PGM2L1: variants seen among roughly 807,000 people sequenced by gnomAD.
The protein encoded by PGM2L1 is phosphoglucomutase 2 like 1.
Under a neutral mutation model 73.4 loss-of-function variants are expected in PGM2L1, and 35 were observed. The ratio of observed to expected loss-of-function variants is 0.48; its 90% CI spans 0.36 to 0.63. The LOEUF is 0.63. Ranked by LOEUF, PGM2L1 falls within the 30% of genes least tolerant of loss-of-function variation. The pLI is 0.00. For missense variants in PGM2L1, 570 were observed against 742.0 expected, an observed-to-expected ratio of 0.77 and a Z score of 2.69; for synonymous variants, 225 against 253.8, an observed-to-expected ratio of 0.89 and a Z score of 1.08.
In PGM2L1 at chr11:74,330,661, T is replaced by C. The variant is rs1420177951; in HGVS notation, c.*5991A>G. 2 of 152,598 alleles carry C rather than the reference T, an allele frequency of 1.3e-5. No individual in the cohort carries two copies. Among genetic ancestry groups the C allele is most frequent in the African/African-American group, 2.4e-5 (1 of 41,432 alleles). 9.5% of individuals were successfully genotyped at this position (152,598 alleles called of 1,614,324 possible). A position where few individuals can be genotyped will look rare whatever the true frequency, so the allele number is the denominator to read the frequency against. Reference sequence around the variant, plus strand: ...GCTTGAGTGGCTCTTGTAAGATACATGATGAATCATAACAGTGGACAAAAA... The same window carrying C: ...GCTTGAGTGGCTCTTGTAAGATACACGATGAATCATAACAGTGGACAAAAA... On this transcript the variant is annotated 3_prime_UTR_variant, in exon 14 of 14. Coordinates refer to ENST00000298198, the MANE Select transcript of PGM2L1 (RefSeq NM_173582.6).
At position 74,345,553 on chromosome 11, in the gene PGM2L1, A is replaced by T. The variant is rs1016784315; in HGVS notation, c.1134T>A (p.Asp378Glu). 1.2e-6 allele frequency: 2 copies of T among 1,613,406 alleles called. No homozygotes were observed. Among genetic ancestry groups the T allele is most frequent in the Non-Finnish European group, 1.7e-6 (2 of 1,179,540 alleles). The change falls in exon 9 of 14, where the codon GAT (aspartate) becomes GAA (glutamate). Residue 378 changes from aspartate to glutamate, a missense_variant. Asp to Glu is a conservative substitution (Grantham distance 45, BLOSUM62 2). Coordinates refer to ENST00000298198, the MANE Select transcript of PGM2L1 (RefSeq NM_173582.6). ...CWKKNKSRNA[D>E]VKNVYMLATT... ...TGGCTAACATATAAACGTTCTTCAC[A>T]TCAGCATTTCTTGATTTATTTTTCT...
chr11:74,354,879 AG>A, intron 5 of PGM2L1: 1 of 855,974 alleles, frequency 1.2e-6, no homozygotes, highest in Non-Finnish European at 2.0e-6. Context: ...TGGCAGGAAA[AG>A]GGGCTTTGTC....
In PGM2L1 at chr11:74,332,239, C is replaced by CGT. The variant is rs1167511751; in HGVS notation, c.*4412_*4413insAC. 1.3e-5 allele frequency: 2 copies of CGT among 152,146 alleles called. No homozygotes were observed. The highest frequency in any genetic ancestry group is 4.8e-5 in the African/African-American group (2 of 41,432). 9.4% of individuals were successfully genotyped at this position (152,146 alleles called of 1,614,324 possible). A position where few individuals can be genotyped will look rare whatever the true frequency, so the allele number is the denominator to read the frequency against. Reference sequence around the variant, plus strand: ...GAAATAGAATGTTATGTCAATTGCCCATTCATTTTGGTTAGTACGACTCTT... The same window carrying CGT: ...GAAATAGAATGTTATGTCAATTGCCCGTATTCATTTTGGTTAGTACGACTCTT... On this transcript the variant is annotated 3_prime_UTR_variant, in exon 14 of 14. Transcript: ENST00000298198.
At chr11:74,392,306 T>C (rs560231364) in intron 1 of PGM2L1, among the ~76,000 whole-genome samples, 6 of 151,748 alleles carry the variant, frequency 4.0e-5, no homozygotes, top group Non-Finnish European at 7.4e-5. Flanking sequence ...GCAAATAAAA[T>C]GATGAAAACA....
rs370177913 is a variant in PGM2L1 at position 74,333,123 on chromosome 11, G to GCTTT, written c.*3528_*3529insAAAG. The GCTTT allele has an allele frequency of 8.4e-4, 127 of 151,970 alleles. 1 individual carries two copies. Among genetic ancestry groups the GCTTT allele is most frequent in the Middle Eastern group, 3.4e-3 (1 of 294 alleles). The allele number at this position is 151,970 out of a possible 1,614,324, so 9.4% of individuals were successfully genotyped here. ...TAACCTGAGTTTTTAAAAAAAATGTGCTGGAAAGAAGGACCCTTAAAAAGT... is the reference window on the plus strand; with the variant it reads ...TAACCTGAGTTTTTAAAAAAAATGTGCTTTCTGGAAAGAAGGACCCTTAAAAAGT... On this transcript the variant is annotated 3_prime_UTR_variant, in exon 14 of 14. Coordinates refer to ENST00000298198, the MANE Select transcript of PGM2L1 (RefSeq NM_173582.6).
rs1862059872 is a variant in PGM2L1 at position 74,334,374 on chromosome 11, T to C, written c.*2278A>G. 3 of 152,218 alleles carry C rather than the reference T, an allele frequency of 2.0e-5. No individual in the cohort carries two copies. The highest frequency in any genetic ancestry group is 2.1e-4 in the South Asian group (1 of 4,830). 9.4% of individuals were successfully genotyped at this position (152,218 alleles called of 1,614,324 possible). On this transcript the variant is annotated 3_prime_UTR_variant, in exon 14 of 14. Transcript: ENST00000298198. ...CAACATTATACCACTTTGCAGAATA[T>C]ATGCCATTTCCTAAATTACAATCTA... is the stretch of plus-strand genomic sequence containing the variant.
In PGM2L1 at chr11:74,398,126, G is replaced by A. The variant is rs1288565085; in HGVS notation, c.36C>T (p.Asn12=). Residue 12 remains asparagine, a synonymous_variant, in exon 1 of 14, where the codon AAC becomes AAT. Coordinates refer to ENST00000298198, the MANE Select transcript of PGM2L1 (RefSeq NM_173582.6). ...AENTEGDLNS[N]LLHAPYHTGD... The stretch of plus-strand genomic sequence containing the variant: ...CGGTGTGGTAGGGGGCGTGGAGCAG[G>A]TTGGAGTTCAGATCCCCCTCTGTGT... The A allele has an allele frequency of 1.2e-6, 2 of 1,613,256 alleles. No individual in the cohort carries two copies. Among genetic ancestry groups the A allele is most frequent in the South Asian group, 1.1e-5 (1 of 90,974 alleles).
At chr11:74,380,798 A>G (rs1862931592) in intron 1 of PGM2L1, among the ~76,000 whole-genome samples, 1 of 152,218 alleles carries the variant, frequency 6.6e-6, no homozygotes, top group African/African-American at 2.4e-5. Context: ...AAGGTAGTCA[A>G]CATAAAATAT....
chr11:74,351,698 C>T (rs934590100), intron 5 of PGM2L1, 122 bp from the exon 6 acceptor site: 1 of 844,610 alleles, frequency 1.2e-6, no homozygotes. Flanking sequence ...CACGGTGGCT[C>T]ACGCCTGTAA....
At chr11:74,337,580 A>G (rs980987216) in intron 13 of PGM2L1, among the ~76,000 whole-genome samples, 2 of 152,248 alleles carry the variant, frequency 1.3e-5, no homozygotes, top group African/African-American at 4.8e-5. Flanking sequence ...CTTTTAATAC[A>G]TTTAAGTAGC....
intron 2 of PGM2L1, among the ~76,000 whole-genome samples, chr11:74,372,149 A>T (rs1862773681): frequency 6.6e-6 from 1 of 151,956 alleles, no homozygotes; most frequent in African/African-American, 2.4e-5. Flanking sequence ...AAAAAAGATT[A>T]GAAGAGCCAA....
rs766006427 is a variant in PGM2L1 at position 74,345,669 on chromosome 11, A to G, written c.1038-20T>C. 1.2e-6 allele frequency: 2 copies of G among 1,606,660 alleles called. No homozygotes were observed. The highest frequency in any genetic ancestry group is 1.7e-6 in the Non-Finnish European group (2 of 1,174,024). ...CAACCACTGTAGAGAGAAGGAAAAT[A>G]CAATGTCAAGACCTTTCTTCTCATT... On this transcript the variant is annotated intron_variant, in intron 8 of 13. Coordinates refer to ENST00000298198, the MANE Select transcript of PGM2L1 (RefSeq NM_173582.6).
rs1251937889 is a variant in PGM2L1, at chr11:74,346,753, G to A, written c.1016C>T (p.Ala339Val). The change falls in exon 8 of 14, where the codon GCA becomes GTA. Residue 339 changes from alanine (A) to valine (V), a missense_variant. By Grantham distance (64) the Ala-to-Val change is moderately conservative. Coordinates refer to ENST00000298198, the MANE Select transcript of PGM2L1 (RefSeq NM_173582.6). ...ATACTTCTCCTGAAGTTCTGCTGCT[G>A]CCAGTCTGTCTGCATCAGGATCTGT... ...LATDPDADRL[A>V]AAELQENGCW... 3 of 1,613,708 alleles carry A rather than the reference G, an allele frequency of 1.9e-6. No homozygotes were observed. The South Asian group carries it at 3.3e-5, about 18-fold the overall frequency.
chr11:74,353,720 T>A (rs1241476238), intron 5 of PGM2L1, among the ~76,000 whole-genome samples: 1 of 99,124 alleles, frequency 1.0e-5, no homozygotes, highest in Non-Finnish European at 2.5e-5. Context: ...AAATGGAGTC[T>A]CCCACGTCTA....
Position 74,398,219 on chromosome 11 carries a change from G to A in PGM2L1, c.-58C>T, listed in dbSNP as rs950228244. 99 of 1,547,536 alleles carry A rather than the reference G, an allele frequency of 6.4e-5. No homozygotes were observed. The highest frequency in any genetic ancestry group is 8.5e-5 in the Non-Finnish European group (98 of 1,146,244). Reference sequence around the variant, plus strand: ...GCGAAGACACTGAGTTGGGGTGGGGGGTGGCTTGGGGTTCGCTCACCAGGG... The same window carrying A: ...GCGAAGACACTGAGTTGGGGTGGGGAGTGGCTTGGGGTTCGCTCACCAGGG... On this transcript the variant is annotated 5_prime_UTR_variant, in exon 1 of 14. Transcript: ENST00000298198.
At position 74,330,390 on chromosome 11, in the gene PGM2L1, T is replaced by A. The variant is rs1399502837; in HGVS notation, c.*6262A>T. 6.6e-6 allele frequency: 1 copy of A among 152,644 alleles called. No individual in the cohort carries two copies. Among genetic ancestry groups the A allele is most frequent in the Non-Finnish European group, 1.5e-5 (1 of 68,026 alleles). The allele number at this position is 152,644 out of a possible 1,614,324, so 9.5% of individuals were successfully genotyped here. A position where few individuals can be genotyped will look rare whatever the true frequency, so the allele number is the denominator to read the frequency against. The stretch of plus-strand genomic sequence containing the variant: ...CACAAGAAATCCACACACAAATACA[T>A]AAAGTGCAAATTCTCACAGGCAGTA... On this transcript the variant is annotated 3_prime_UTR_variant, in exon 14 of 14. Transcript: ENST00000298198.
chr11:74,344,258 G>A (rs1862229903), intron 9 of PGM2L1, among the ~76,000 whole-genome samples: 1 of 152,000 alleles, frequency 6.6e-6, no homozygotes, highest in Non-Finnish European at 1.5e-5. Context: ...GCCTATGAAA[G>A]TTGGTGGATT....
intron 12 of PGM2L1, 106 bp from the exon 13 acceptor site, chr11:74,338,707 T>A (rs1862135947): frequency 7.6e-7 from 1 of 1,324,488 alleles, no homozygotes; most frequent in Non-Finnish European, 1.0e-6. Context: ...GTATCTAAAG[T>A]CGTCAAATTT....
chr11:74,355,274 C>G (rs1234891612), intron 5 of PGM2L1: 1 of 1,063,686 alleles, frequency 9.4e-7, no homozygotes, highest in African/African-American at 1.6e-5. Flanking sequence ...TTGGACTCAG[C>G]CAGGCGTGGT....
Sources: allele counts gnomAD v4.1 joint callset (sites outside exome capture counted in the v4.1 genomes callset), GRCh38; gene constraint gnomAD v4.1.1; transcripts MANE v1.5; gene names NCBI Gene and HGNC (gene_info 2026-07-23, HGNC 2026-07-21).